Variants in PRKCI observed in about 807,000 individuals in gnomAD.
The protein encoded by PRKCI is protein kinase C iota type.
A neutral mutation model predicts 84.0 loss-of-function variants in PRKCI; 43 were observed. The observed-to-expected ratio is 0.51, with a 90% CI of 0.40 to 0.66. The LOEUF is 0.66. Ranked by LOEUF, PRKCI falls within the 30% of genes least tolerant of loss-of-function variation. The probability of loss-of-function intolerance (pLI) is 0.00; values close to 1 mark genes in which losing one functional copy is unlikely to be tolerated. For missense variants in PRKCI, 459 were observed against 745.6 expected, an observed-to-expected ratio of 0.62 and a Z score of 4.48; for synonymous variants, 216 against 234.4, an observed-to-expected ratio of 0.92 and a Z score of 0.72.
intron 8 of PRKCI, among the ~76,000 whole-genome samples, chr3:170,276,998 T>G (rs892995229): frequency 1.3e-5 from 2 of 150,710 alleles, no homozygotes; most frequent in African/African-American, 4.9e-5. Flanking sequence ...CCCAGCACTT[T>G]GGGAGGCAGA....
In PRKCI at chr3:170,303,416, A is replaced by AC. The variant is rs937395657; in HGVS notation, c.*289_*290insC. ...AGTTATCTTTTTTGTTTAAAAAAAA[A>AC]AAAAACACTGCATTAAAAAAGTATC... On this transcript the variant is annotated 3_prime_UTR_variant, in exon 18 of 18. Transcript: ENST00000295797. The AC allele has an allele frequency of 7.1e-5, 19 of 267,814 alleles. No individual in the cohort carries two copies. Among genetic ancestry groups the AC allele is most frequent in the Non-Finnish European group, 1.2e-4 (17 of 142,884 alleles). The allele number at this position is 267,814 out of a possible 1,614,324, so 16.6% of individuals were successfully genotyped here.
At chr3:170,261,353 A>G (rs564649196) in intron 3 of PRKCI, among the ~76,000 whole-genome samples, 2 of 151,968 alleles carry the variant, frequency 1.3e-5, no homozygotes, top group East Asian at 3.9e-4. Flanking sequence ...AGACTTAGGA[A>G]TCTTCTAAAA....
chr3:170,233,737 T>G (rs975195243), intron 1 of PRKCI, among the ~76,000 whole-genome samples: 121 of 152,318 alleles, frequency 7.9e-4, no homozygotes, highest in Non-Finnish European at 1.5e-3. Flanking sequence ...CTTTTTTTTT[T>G]TTAAACAGAA....
At chr3:170,256,154 A>G (rs1327997368) in intron 2 of PRKCI, among the ~76,000 whole-genome samples, 1 of 152,056 alleles carries the variant, frequency 6.6e-6, no homozygotes, top group Non-Finnish European at 1.5e-5. Context: ...TCTTTTTGAC[A>G]TATTTGTCTG....
rs545430768 is a variant in PRKCI, at chr3:170,230,165, CT to C, written c.102-5047del. ...ATTCTATTTTTCTTCTATTATGCAA[CT>C]TTTTTTTTTTTTTTTTTGAGACAGA... On this transcript the variant is annotated intron_variant, in intron 1 of 17. Transcript: ENST00000295797. 7.1e-3 allele frequency among the ~76,000 whole-genome samples: 956 copies of C among 134,856 alleles called. 4 individuals carry two copies. The highest frequency in any genetic ancestry group is 0.021 in the African/African-American group (771 of 36,714). 88.5% of individuals were successfully genotyped at this position (134,856 alleles called of 152,430 possible). A position where few individuals can be genotyped will look rare whatever the true frequency, so the allele number is the denominator to read the frequency against.
chr3:170,242,013 G>A (rs1174072218), intron 2 of PRKCI, among the ~76,000 whole-genome samples: 1 of 152,220 alleles, frequency 6.6e-6, no homozygotes, highest in Admixed American at 6.5e-5. Flanking sequence ...GGAGGCTAAG[G>A]TAGGAGAATT....
At chr3:170,247,930 C>A (rs1421968601) in intron 2 of PRKCI, among the ~76,000 whole-genome samples, 1 of 151,956 alleles carries the variant, frequency 6.6e-6, no homozygotes, top group East Asian at 1.9e-4. Flanking sequence ...TTTTGCAAAT[C>A]TGTATTTTAA....
intron 1 of PRKCI, 61 bp from the exon 2 acceptor site, chr3:170,235,169 A>C: frequency 6.5e-7 from 1 of 1,526,920 alleles, no homozygotes; most frequent in Non-Finnish European, 9.0e-7. Flanking sequence ...AGCATTCAGT[A>C]ATATATACAG....
chr3:170,303,753 T>A lies in PRKCI; in HGVS notation c.*626T>A, dbSNP rs1341879308. ...ACTCAATGCCTGTGATCCCAGTACT[T>A]TGGGAGGTTGAGGCGGGCAGATCAC... is the stretch of plus-strand genomic sequence containing the variant. On this transcript the variant is annotated 3_prime_UTR_variant, in exon 18 of 18. Coordinates refer to ENST00000295797, the MANE Select transcript of PRKCI (RefSeq NM_002740.6). The A allele has an allele frequency of 4.9e-6, 1 of 203,834 alleles. No individual in the cohort carries two copies. The highest frequency in any genetic ancestry group is 1.0e-5 in the Non-Finnish European group (1 of 99,508). 12.6% of individuals were successfully genotyped at this position (203,834 alleles called of 1,614,324 possible).
chr3:170,260,431 C>A (rs989631944), intron 3 of PRKCI, among the ~76,000 whole-genome samples: 8 of 152,184 alleles, frequency 5.3e-5, no homozygotes, highest in Admixed American at 2.0e-4. Flanking sequence ...AATATCCTTT[C>A]TTTTGCTTAA....
intron 2 of PRKCI, among the ~76,000 whole-genome samples, chr3:170,257,438 A>G (rs1334646994): frequency 6.6e-6 from 1 of 152,208 alleles, no homozygotes; most frequent in Admixed American, 6.6e-5. Context: ...AGGTAAGAAC[A>G]TGGAGAAAGG....
chr3:170,231,451 T>C (rs1732791926), intron 1 of PRKCI, among the ~76,000 whole-genome samples: 1 of 151,904 alleles, frequency 6.6e-6, no homozygotes, highest in Non-Finnish European at 1.5e-5. Flanking sequence ...CTATATCTTA[T>C]TTATTTATTT....
At chr3:170,237,641 C>G (rs1733013945) in intron 2 of PRKCI, among the ~76,000 whole-genome samples, 2 of 152,160 alleles carry the variant, frequency 1.3e-5, no homozygotes, top group African/African-American at 4.8e-5. Flanking sequence ...TAATATTTAG[C>G]TCAATATTTG....
chr3:170,243,025 A>G (rs1402017420), intron 2 of PRKCI, among the ~76,000 whole-genome samples: 1 of 152,096 alleles, frequency 6.6e-6, no homozygotes, highest in East Asian at 1.9e-4. Flanking sequence ...TCATGTTTTT[A>G]ATTTCACTTA....
chr3:170,235,770 T>A (rs922912591), intron 2 of PRKCI, among the ~76,000 whole-genome samples: 1 of 152,054 alleles, frequency 6.6e-6, no homozygotes, highest in Non-Finnish European at 1.5e-5. Flanking sequence ...TTTCGCTATG[T>A]TGGCCAAGCT....
Position 170,293,428 on chromosome 3 carries a change from T to A in PRKCI, c.1337T>A (p.Met446Lys). ...GCTCTTGGAGTGCTCATGTTTGAGA[T>A]GATGGCAGGAAGGTCTCCATTTGAT... ...WWALGVLMFE[M>K]MAGRSPFDIV... The change falls in exon 14 of 18, where the codon ATG (methionine) becomes AAG (lysine). Residue 446 changes from methionine (M) to lysine (K), a missense_variant. Transcript: ENST00000295797. 6.2e-7 allele frequency: 1 copy of A among 1,613,720 alleles called. No homozygotes were observed. The highest frequency in any genetic ancestry group is 8.5e-7 in the Non-Finnish European group (1 of 1,179,662).
intron 17 of PRKCI, 32 bp downstream of exon 17, chr3:170,299,142 T>A: frequency 5.0e-6 from 7 of 1,390,462 alleles, no homozygotes; most frequent in Non-Finnish European, 6.8e-6. Flanking sequence ...AATTTTTTTT[T>A]AAGTTCTTTG....
chr3:170,299,846 T>C (rs1342224155), intron 17 of PRKCI, among the ~76,000 whole-genome samples: 2 of 152,210 alleles, frequency 1.3e-5, no homozygotes, highest in Non-Finnish European at 2.9e-5. Context: ...TCCTGAGTAT[T>C]GCCTTAAGAT....
intron 7 of PRKCI, 113 bp from the exon 8 acceptor site, chr3:170,275,116 A>C: frequency 7.8e-7 from 1 of 1,286,046 alleles, no homozygotes; most frequent in East Asian, 2.5e-5. Flanking sequence ...CAGAAGTAAA[A>C]ACTAAAATAA....
Sources: allele counts gnomAD v4.1 joint callset (sites outside exome capture counted in the v4.1 genomes callset), GRCh38; gene constraint gnomAD v4.1.1; transcripts MANE v1.5; gene names NCBI Gene and HGNC (gene_info 2026-07-23, HGNC 2026-07-21).